PWWP2B: variants seen among roughly 807,000 people sequenced by gnomAD.
PWWP2B encodes the protein PWWP domain-containing protein 2B.
In PWWP2B, 9 loss-of-function variants were observed where a neutral mutation model predicts 15.5. The observed-to-expected ratio is 0.58, with a 90% CI of 0.35 to 1.02. The LOEUF (loss-of-function observed/expected upper bound fraction) is 1.02, where lower values mean the gene tolerates loss of function less well. Among genes scored for constraint, PWWP2B ranks in the 50% least tolerant of loss-of-function variants. PWWP2B has a pLI of 0.02. For missense variants in PWWP2B, 864 were observed against 865.3 expected (o/e 1.00, Z 0.02); for synonymous variants, 474 against 403.6 (o/e 1.17, Z -2.09).
intron 1 of PWWP2B, among the ~76,000 whole-genome samples, chr10:132,403,397 TACGCGTGTTCCCTGTGGAAACGTGG>T (rs1314712878): frequency 6.6e-6 from 1 of 152,272 alleles, no homozygotes; most frequent in East Asian, 1.9e-4. Flanking sequence ...TGTTACCAGT[TACGCGTGTTCCCTGTGGAAACGTGG>T]ATTCTGTGGA....
At position 132,417,231 on chromosome 10, in the gene PWWP2B, C is replaced by T; in HGVS notation, c.*187C>T. 1.3e-6 allele frequency: 1 copy of T among 781,834 alleles called. No homozygotes were observed. The highest frequency in any genetic ancestry group is 2.2e-6 in the Non-Finnish European group (1 of 459,084). 48.4% of individuals were successfully genotyped at this position (781,834 alleles called of 1,614,324 possible). Reference sequence around the variant, plus strand: ...TCCAGGGAGGGGATGGCCCTGAGCCCAGCGGCTCCTCCCGCTGAGTGTATT... The same window carrying T: ...TCCAGGGAGGGGATGGCCCTGAGCCTAGCGGCTCCTCCCGCTGAGTGTATT... On this transcript the variant is annotated 3_prime_UTR_variant, in exon 3 of 3. Transcript: ENST00000305233.
intron 1 of PWWP2B, among the ~76,000 whole-genome samples, chr10:132,403,545 T>C (rs2069639905): frequency 6.6e-6 from 1 of 152,178 alleles, no homozygotes; most frequent in Non-Finnish European, 1.5e-5. Context: ...CTCGGGGACA[T>C]TGGCTGCACT....
At chr10:132,416,358 T>C (rs1196278422) in intron 2 of PWWP2B, among the ~76,000 whole-genome samples, 6 of 152,002 alleles carry the variant, frequency 3.9e-5, no homozygotes, top group African/African-American at 1.5e-4. Flanking sequence ...GCTGACAGTG[T>C]CTGTCTCTCT....
At chr10:132,412,264 C>G (rs999215553) in intron 2 of PWWP2B, among the ~76,000 whole-genome samples, 2 of 152,266 alleles carry the variant, frequency 1.3e-5, no homozygotes, top group East Asian at 1.9e-4. Context: ...GTTGTGCCCA[C>G]CTCTGGTGAG....
Position 132,397,200 on chromosome 10 carries a change from G to A in PWWP2B, c.-27G>A. On this transcript the variant is annotated 5_prime_UTR_variant, in exon 1 of 3. Coordinates refer to ENST00000305233, the MANE Select transcript of PWWP2B (RefSeq NM_138499.4). ...GCGGCGGCGGCGGCGGCGGCGGGGC[G>A]GGGGCGGCCTGGGACGCGGCGGGAG... 2.0e-6 allele frequency: 2 copies of A among 1,015,968 alleles called. No individual in the cohort carries two copies. Among genetic ancestry groups the A allele is most frequent in the Non-Finnish European group, 2.3e-6 (2 of 851,394 alleles). 62.9% of individuals were successfully genotyped at this position (1,015,968 alleles called of 1,614,324 possible). A position where few individuals can be genotyped will look rare whatever the true frequency, so the allele number is the denominator to read the frequency against.
At chr10:132,401,484 G>C (rs1192520527) in intron 1 of PWWP2B, among the ~76,000 whole-genome samples, 2 of 151,646 alleles carry the variant, frequency 1.3e-5, no homozygotes, top group African/African-American at 4.8e-5. Flanking sequence ...GGACCCAGCA[G>C]GCCCATCTAG....
chr10:132,397,891 G>A (rs1201924267), intron 1 of PWWP2B, among the ~76,000 whole-genome samples: 2 of 152,184 alleles, frequency 1.3e-5, no homozygotes, highest in South Asian at 2.1e-4. Context: ...TGAGTCATGG[G>A]GGCGTGAAGA....
rs758085360 is a variant in PWWP2B, at chr10:132,404,797, C to T, written c.297C>T (p.Pro99=). ...RGVQPPETTR[P]EPPPPLVPPL... is the part of the protein sequence containing the mutation. Reference sequence around the variant, plus strand: ...TTCAGCCCCCCGAGACCACCCGCCCCGAGCCACCCCCGCCCCTCGTGCCGC... The same window carrying T: ...TTCAGCCCCCCGAGACCACCCGCCCTGAGCCACCCCCGCCCCTCGTGCCGC... Residue 99 remains proline (P), a synonymous_variant, in exon 2 of 3, where the codon CCC becomes CCT. Coordinates refer to ENST00000305233, the MANE Select transcript of PWWP2B (RefSeq NM_138499.4). 5.5e-5 allele frequency: 84 copies of T among 1,516,046 alleles called. 1 individual carries two copies. Among genetic ancestry groups the T allele is most frequent in the East Asian group, 2.5e-4 (11 of 43,542 alleles). 93.9% of individuals were successfully genotyped at this position (1,516,046 alleles called of 1,614,324 possible). A position where few individuals can be genotyped will look rare whatever the true frequency, so the allele number is the denominator to read the frequency against.
chr10:132,404,451 C>T (rs56915971), intron 1 of PWWP2B, among the ~76,000 whole-genome samples, 175 bp from the exon 2 acceptor site: 25,059 of 152,176 alleles, frequency 0.16, 2,466 homozygotes, highest in Non-Finnish European at 0.23. Context: ...CCAGGACATA[C>T]GTAGGGAGCA....
intron 1 of PWWP2B, among the ~76,000 whole-genome samples, chr10:132,399,467 C>G (rs1486850619): frequency 1.3e-5 from 2 of 152,248 alleles, no homozygotes; most frequent in African/African-American, 4.8e-5. Flanking sequence ...TGTTGTCGGC[C>G]GGTTTGGGAG....
intron 2 of PWWP2B, among the ~76,000 whole-genome samples, chr10:132,412,277 G>A (rs186166932): frequency 1.8e-4 from 27 of 152,366 alleles, no homozygotes; most frequent in Admixed American, 7.2e-4. Context: ...CTGGTGAGAT[G>A]CCCTAATACT....
chr10:132,411,331 C>T (rs1158387292), intron 2 of PWWP2B, among the ~76,000 whole-genome samples: 2 of 152,238 alleles, frequency 1.3e-5, no homozygotes, highest in Non-Finnish European at 2.9e-5. Context: ...AGGGGCCGCT[C>T]ATCTGGAAAC....
At chr10:132,411,291 T>C (rs1218372546) in intron 2 of PWWP2B, among the ~76,000 whole-genome samples, 2 of 152,210 alleles carry the variant, frequency 1.3e-5, no homozygotes, top group African/African-American at 4.8e-5. Flanking sequence ...AGTACCCTGG[T>C]GGCATCTGGG....
At position 132,408,701 on chromosome 10, in the gene PWWP2B, A is replaced by G. The variant is rs370368329; in HGVS notation, c.*16+2412A>G. 3.7e-4 allele frequency among the ~76,000 whole-genome samples: 57 copies of G among 152,346 alleles called. No homozygotes were observed. The East Asian group carries it at 8.7e-3, about 23-fold the overall frequency. ...GTGTCTGCTGCCTGAGGCACTTGTC[A>G]AGGAGCAGTCACCGCAGGCACCACG... On this transcript the variant is annotated intron_variant, in intron 2 of 2. Transcript: ENST00000305233.
Position 132,417,091 on chromosome 10 carries a change from C to T in PWWP2B, c.*47C>T, listed in dbSNP as rs377750213. 1.2e-6 allele frequency: 2 copies of T among 1,613,574 alleles called. No individual in the cohort carries two copies. Among genetic ancestry groups the T allele is most frequent in the African/African-American group, 2.7e-5 (2 of 74,918 alleles). On this transcript the variant is annotated 3_prime_UTR_variant, in exon 3 of 3. Transcript: ENST00000305233. ...CGACGATGAGGGCGCACCTGCTGTC[C>T]TGGAGCTTCCGATCTCTGTTCGGGG...
intron 2 of PWWP2B, among the ~76,000 whole-genome samples, chr10:132,413,409 G>T (rs752349746): frequency 1.3e-5 from 2 of 152,112 alleles, no homozygotes; most frequent in African/African-American, 2.4e-5. Context: ...GTGGGTGGTG[G>T]CAGTGAACGC....
chr10:132,410,173 G>A (rs1201715296), intron 2 of PWWP2B, among the ~76,000 whole-genome samples: 1 of 152,204 alleles, frequency 6.6e-6, no homozygotes. Context: ...TGGGCGGTGT[G>A]CAGGTGTCGC....
At chr10:132,416,079 C>T (rs776149251) in intron 2 of PWWP2B, among the ~76,000 whole-genome samples, 12 of 152,236 alleles carry the variant, frequency 7.9e-5, no homozygotes, top group Non-Finnish European at 1.5e-4. Flanking sequence ...CCATGGCAGC[C>T]CAGGGCTTCC....
At chr10:132,415,089 G>T (rs546142855) in intron 2 of PWWP2B, among the ~76,000 whole-genome samples, 1 of 152,312 alleles carries the variant, frequency 6.6e-6, no homozygotes, top group South Asian at 2.1e-4. Context: ...ATTTCTAGAC[G>T]ATGTACTGCT....
Sources: gnomAD v4.1 joint callset for allele counts (sites outside exome capture counted in the v4.1 genomes callset) on GRCh38, gnomAD v4.1.1 for gene constraint, MANE v1.5 for transcripts, NCBI Gene and HGNC (gene_info 2026-07-23, HGNC 2026-07-21) for gene names.